The following AK5 variants were observed in gnomAD, a reference collection of about 807,000 sequenced individuals.
The protein encoded by AK5 is adenylate kinase 5.
Under a neutral mutation model 69.5 loss-of-function variants are expected in AK5, and 27 were observed. The ratio of observed to expected loss-of-function variants is 0.39; its 90% CI spans 0.29 to 0.54. The LOEUF (loss-of-function observed/expected upper bound fraction) is 0.54, where lower values mean the gene tolerates loss of function less well. Ranked by LOEUF, AK5 falls within the 20% of genes least tolerant of loss-of-function variation. AK5 has a pLI of 0.71. For synonymous variants in AK5, 260 were observed against 244.4 expected (o/e 1.06, Z -0.60); for missense variants, 531 against 700.4 (o/e 0.76, Z 2.73).
At chr1:77,420,950 A>C (rs1157706585) in intron 8 of AK5, among the ~76,000 whole-genome samples, 2 of 152,234 alleles carry the variant, frequency 1.3e-5, no homozygotes, top group African/African-American at 2.4e-5. Flanking sequence ...AACAATATGT[A>C]AACAATGAAT....
chr1:77,558,999 T>C lies in AK5; in HGVS notation c.*329T>C. The C allele has an allele frequency of 5.4e-6, 1 of 186,126 alleles. No homozygotes were observed. Among genetic ancestry groups the C allele is most frequent in the Non-Finnish European group, 1.1e-5 (1 of 89,190 alleles). 11.5% of individuals were successfully genotyped at this position (186,126 alleles called of 1,614,324 possible). On this transcript the variant is annotated 3_prime_UTR_variant, in exon 14 of 14. Coordinates refer to ENST00000354567, the MANE Select transcript of AK5 (RefSeq NM_174858.3). Reference sequence around the variant, plus strand: ...CGGTGCCAGTCTGTGTCCGTTGTGATCACAGGCCTTGCTAGACCCTGATCA... The same window carrying C: ...CGGTGCCAGTCTGTGTCCGTTGTGACCACAGGCCTTGCTAGACCCTGATCA...
At chr1:77,533,938 A>G (rs971539927) in intron 12 of AK5, among the ~76,000 whole-genome samples, 8 of 151,354 alleles carry the variant, frequency 5.3e-5, no homozygotes, top group Non-Finnish European at 1.2e-4. Context: ...TTCTTGCTGC[A>G]CAAATGCTCT....
chr1:77,375,372 C>T (rs940548799), intron 6 of AK5, among the ~76,000 whole-genome samples: 1 of 152,082 alleles, frequency 6.6e-6, no homozygotes, highest in African/African-American at 2.4e-5. Flanking sequence ...TCACATTCTG[C>T]AGTAAATGCA....
intron 8 of AK5, among the ~76,000 whole-genome samples, chr1:77,451,405 T>C (rs1653144380): frequency 6.6e-6 from 1 of 152,208 alleles, no homozygotes; most frequent in South Asian, 2.1e-4. Context: ...TAAAATATAA[T>C]TCTATAGGAA....
At chr1:77,330,290 C>A (rs1661021027) in intron 5 of AK5, among the ~76,000 whole-genome samples, 1 of 152,152 alleles carries the variant, frequency 6.6e-6, no homozygotes, top group Non-Finnish European at 1.5e-5. Flanking sequence ...TTTCTAGGTT[C>A]TGTTTGAGAA....
At chr1:77,557,434 T>G (rs1358306833) in intron 13 of AK5, 1 of 163,254 alleles carries the variant, frequency 6.1e-6, no homozygotes, top group Non-Finnish European at 1.4e-5. Flanking sequence ...TTCCCGTGCT[T>G]GGCCAGGCCT....
chr1:77,355,564 C>A (rs1392007098), intron 6 of AK5, among the ~76,000 whole-genome samples: 1 of 152,198 alleles, frequency 6.6e-6, no homozygotes, highest in Non-Finnish European at 1.5e-5. Context: ...GACCTGGATT[C>A]TTCTGGGAAG....
chr1:77,394,191 G>A (rs1338287671), intron 6 of AK5, among the ~76,000 whole-genome samples: 1 of 151,202 alleles, frequency 6.6e-6, no homozygotes, highest in Non-Finnish European at 1.5e-5. Context: ...CTCCAACCTG[G>A]GTGACAGAGC....
chr1:77,391,625 C>G (rs1306627177), intron 6 of AK5, among the ~76,000 whole-genome samples: 1 of 150,738 alleles, frequency 6.6e-6, no homozygotes, highest in Admixed American at 6.6e-5. Flanking sequence ...AAAAAAAAGA[C>G]ACTGAAGAAC....
chr1:77,345,017 C>G (rs1661842163), intron 6 of AK5, among the ~76,000 whole-genome samples: 1 of 149,506 alleles, frequency 6.7e-6, no homozygotes, highest in Admixed American at 6.7e-5. Context: ...AGCTCAGATG[C>G]AATGTATATG....
intron 6 of AK5, among the ~76,000 whole-genome samples, chr1:77,364,662 G>A (rs1049033327): frequency 3.9e-5 from 6 of 152,072 alleles, no homozygotes; most frequent in East Asian, 1.9e-4. Flanking sequence ...TTAACATAAC[G>A]TCCTTCAGTT....
At position 77,293,829 on chromosome 1, in the gene AK5, A is replaced by G. The variant is rs1389584953; in HGVS notation, c.284A>G (p.Tyr95Cys). 1 of 1,608,340 alleles carries G rather than the reference A, an allele frequency of 6.2e-7. No homozygotes were observed. The highest frequency in any genetic ancestry group is 8.5e-7 in the Non-Finnish European group (1 of 1,178,394). The change falls in exon 3 of 14, where the codon TAT becomes TGT. Residue 95 changes from tyrosine to cysteine, a missense_variant. Physicochemically the swap from Tyr to Cys is radical, Grantham distance 194. Coordinates refer to ENST00000354567, the MANE Select transcript of AK5 (RefSeq NM_174858.3). ...PENSNFPYRRYDRLPPIHQFS... is the reference protein window; with the variant it reads ...PENSNFPYRRCDRLPPIHQFS... ...AACTCAAACTTTCCATATCGGCGGT[A>G]TGACCGGCTCCCTCCAATCCATCAA...
In AK5 at chr1:77,340,385, C is replaced by A. The variant is rs954145286; in HGVS notation, c.708C>A (p.Thr236=). The A allele has an allele frequency of 6.2e-7, 1 of 1,613,622 alleles. No homozygotes were observed. The change falls in exon 6 of 14, where the codon ACC becomes ACA. Residue 236 remains threonine, a synonymous_variant. Transcript: ENST00000354567. ...QALSFEDQIC[T]PDLVVFLACA... is the part of the protein sequence containing the mutation. ...GTTGATGCTCTCCACAGATCTGTAC[C>A]CCCGATTTGGTGGTATTCCTGGCTT...
At chr1:77,348,658 A>T (rs764630030) in intron 6 of AK5, among the ~76,000 whole-genome samples, 3 of 152,192 alleles carry the variant, frequency 2.0e-5, no homozygotes, top group Non-Finnish European at 4.4e-5. Context: ...ATTACTAAAT[A>T]GTTGGTAGCT....
intron 8 of AK5, among the ~76,000 whole-genome samples, chr1:77,449,782 G>C (rs563958506): frequency 6.6e-6 from 1 of 152,124 alleles, no homozygotes; most frequent in Non-Finnish European, 1.5e-5. Flanking sequence ...ACATGCCCTG[G>C]AGACATTTTC....
At chr1:77,303,591 G>A (rs895994677) in intron 5 of AK5, among the ~76,000 whole-genome samples, 3 of 152,196 alleles carry the variant, frequency 2.0e-5, no homozygotes, top group African/African-American at 4.8e-5. Flanking sequence ...TCGCCACTGC[G>A]AAACTCCACT....
chr1:77,538,465 C>T (rs1276881355), intron 13 of AK5, among the ~76,000 whole-genome samples: 1 of 151,414 alleles, frequency 6.6e-6, no homozygotes, highest in East Asian at 1.9e-4. Context: ...TAGTGATTTC[C>T]ACCTTTTGAG....
chr1:77,471,283 A>T (rs767118195), intron 8 of AK5, among the ~76,000 whole-genome samples: 1 of 152,164 alleles, frequency 6.6e-6, no homozygotes, highest in Non-Finnish European at 1.5e-5. Context: ...ATTGAGGCAC[A>T]TCCCCTAAGC....
At chr1:77,432,284 G>A (rs1001625582) in intron 8 of AK5, among the ~76,000 whole-genome samples, 2 of 152,122 alleles carry the variant, frequency 1.3e-5, no homozygotes, top group African/African-American at 2.4e-5. Flanking sequence ...ATCAGAAGAC[G>A]TGATTGGTGA....
Sources: allele counts gnomAD v4.1 joint callset (sites outside exome capture counted in the v4.1 genomes callset), GRCh38; gene constraint gnomAD v4.1.1; transcripts MANE v1.5; gene names NCBI Gene and HGNC (gene_info 2026-07-23, HGNC 2026-07-21).